IRX1: variants seen among roughly 807,000 people sequenced by gnomAD.
IRX1 encodes iroquois-class homeodomain protein IRX-1.
Under a neutral mutation model 34.1 loss-of-function variants are expected in IRX1, and 22 were observed. The ratio of observed to expected loss-of-function variants is 0.64; its 90% CI spans 0.46 to 0.92. The LOEUF (loss-of-function observed/expected upper bound fraction) is 0.92. Ranked by LOEUF, IRX1 falls within the 40% of genes least tolerant of loss-of-function variation. IRX1 has a pLI of 0.00. For missense variants in IRX1, 758 were observed against 680.0 expected, an observed-to-expected ratio of 1.11 and a Z score of -1.28; for synonymous variants, 363 against 319.0, an observed-to-expected ratio of 1.14 and a Z score of -1.47.
In IRX1 at chr5:3,595,994, G is replaced by T. The variant is rs879593971; in HGVS notation, c.-112G>T. The T allele has an allele frequency of 1.4e-5, 9 of 633,426 alleles. No homozygotes were observed. The African/African-American group carries it at 1.6e-4, about 11-fold the overall frequency. The allele number at this position is 633,426 out of a possible 1,614,324, so 39.2% of individuals were successfully genotyped here. A position where few individuals can be genotyped will look rare whatever the true frequency, so the allele number is the denominator to read the frequency against. Reference sequence around the variant, plus strand: ...CCCGAGCGCGCCCGGCCGGCCGCCCGCTCCTCCCTAGACCCCTCGCGGCGC... The same window carrying T: ...CCCGAGCGCGCCCGGCCGGCCGCCCTCTCCTCCCTAGACCCCTCGCGGCGC... On this transcript the variant is annotated 5_prime_UTR_variant, in exon 1 of 4. Coordinates refer to ENST00000302006, the MANE Select transcript of IRX1 (RefSeq NM_024337.4).
chr5:3,600,569 G>A (rs746931910), intron 2 of IRX1, 40 bp from the exon 3 acceptor site: 4 of 1,575,586 alleles, frequency 2.5e-6, no homozygotes, highest in Non-Finnish European at 2.6e-6. Context: ...TCTCCCGCCC[G>A]TCTCTCCGTC....
chr5:3,596,604 G>A (rs562506126), intron 1 of IRX1, among the ~76,000 whole-genome samples: 63 of 152,240 alleles, frequency 4.1e-4, no homozygotes, highest in African/African-American at 1.4e-3. Context: ...CTGGGAAAGC[G>A]GAAGGCCCGG....
intron 1 of IRX1, among the ~76,000 whole-genome samples, chr5:3,598,674 C>T (rs986128638): frequency 2.0e-5 from 3 of 152,238 alleles, no homozygotes; most frequent in Non-Finnish European, 4.4e-5. Context: ...AAATTGCTGG[C>T]GGATTTAGAC....
chr5:3,599,866 G>T lies in IRX1; in HGVS notation c.918G>T (p.Leu306=), dbSNP rs1490893092. 6.6e-7 allele frequency: 1 copy of T among 1,511,078 alleles called. No homozygotes were observed. Among genetic ancestry groups the T allele is most frequent in the African/African-American group, 1.4e-5 (1 of 71,572 alleles). 93.6% of individuals were successfully genotyped at this position (1,511,078 alleles called of 1,614,324 possible). The change falls in exon 2 of 4, where the codon CTG becomes CTT. Residue 306 remains leucine, a synonymous_variant. Coordinates refer to ENST00000302006, the MANE Select transcript of IRX1 (RefSeq NM_024337.4). The surrounding 1 kb of genome is among the most constrained non-coding windows in gnomAD (Gnocchi z 6.6). ...GCCCCGGCGCTGCAGCGGGCGGCCTGCAGGGTGCGCCGCACGGCAAGCCCA... is the reference window on the plus strand; with the variant it reads ...GCCCCGGCGCTGCAGCGGGCGGCCTTCAGGGTGCGCCGCACGGCAAGCCCA... ...LLSPGAAAGG[L]QGAPHGKPKI...
intron 1 of IRX1, among the ~76,000 whole-genome samples, chr5:3,597,698 A>G (rs1043702665): frequency 6.6e-6 from 1 of 152,340 alleles, no homozygotes; most frequent in South Asian, 2.1e-4. Context: ...AGAAAAGCGC[A>G]AAGTACATTT....
chr5:3,599,129 T>C lies in IRX1; in HGVS notation c.277-96T>C. ...GTCCATTGAAGCGGCTGCTTCCCAC[T>C]CTCCCGTCTTGGGGACTCATGTCTC... On this transcript the variant is annotated intron_variant, in intron 1 of 3. Transcript: ENST00000302006. This position sits in a 1 kb window ranked among gnomAD's most constrained non-coding sequence, Gnocchi z 6.6. 1.5e-6 allele frequency: 2 copies of C among 1,309,960 alleles called. No individual in the cohort carries two copies. The highest frequency in any genetic ancestry group is 2.1e-6 in the Non-Finnish European group (2 of 964,132). The allele number at this position is 1,309,960 out of a possible 1,614,324, so 81.1% of individuals were successfully genotyped here. A position where few individuals can be genotyped will look rare whatever the true frequency, so the allele number is the denominator to read the frequency against.
chr5:3,597,772 A>C (rs1338937840), intron 1 of IRX1, among the ~76,000 whole-genome samples: 1 of 152,236 alleles, frequency 6.6e-6, no homozygotes, highest in Non-Finnish European at 1.5e-5. Context: ...CTCAGTCACC[A>C]AACTAATTAG....
intron 1 of IRX1, among the ~76,000 whole-genome samples, chr5:3,598,125 A>G (rs1446132350): frequency 2.0e-5 from 3 of 152,190 alleles, no homozygotes; most frequent in Non-Finnish European, 4.4e-5. Flanking sequence ...CCAAACCCTG[A>G]TTCTAGGCCT....
chr5:3,600,758 C>T, intron 3 of IRX1, 77 bp downstream of exon 3: 1 of 1,395,254 alleles, frequency 7.2e-7, no homozygotes, highest in South Asian at 1.2e-5. Flanking sequence ...CCGGGCGGAG[C>T]TGGCTGGGTG....
intron 1 of IRX1, among the ~76,000 whole-genome samples, chr5:3,598,192 G>A (rs1244286734): frequency 6.6e-6 from 1 of 152,208 alleles, no homozygotes; most frequent in East Asian, 1.9e-4. Flanking sequence ...AATTGTATTT[G>A]AATGTCTGTC....
chr5:3,601,206 T>C lies in IRX1; in HGVS notation c.*166T>C. On this transcript the variant is annotated 3_prime_UTR_variant, in exon 4 of 4. Transcript: ENST00000302006. Reference sequence around the variant, plus strand: ...TTTCTGCAGAAAGGGGCTTCTTCGGTCCCGAGCTCGCGTCCAGGTGGCCAG... The same window carrying C: ...TTTCTGCAGAAAGGGGCTTCTTCGGCCCCGAGCTCGCGTCCAGGTGGCCAG... 1 of 687,020 alleles carries C rather than the reference T, an allele frequency of 1.5e-6. No individual in the cohort carries two copies. The highest frequency in any genetic ancestry group is 2.5e-6 in the Non-Finnish European group (1 of 401,956). The allele number at this position is 687,020 out of a possible 1,614,324, so 42.6% of individuals were successfully genotyped here. A position where few individuals can be genotyped will look rare whatever the true frequency, so the allele number is the denominator to read the frequency against.
At chr5:3,600,546 G>A (rs1733935698) in intron 2 of IRX1, 63 bp from the exon 3 acceptor site, 1 of 1,438,174 alleles carries the variant, frequency 7.0e-7, no homozygotes, top group African/African-American at 1.4e-5. Flanking sequence ...TGGTGGGAAG[G>A]AGGCCTGGGA....
intron 1 of IRX1, among the ~76,000 whole-genome samples, chr5:3,598,441 C>A (rs1212591978): frequency 6.6e-6 from 1 of 152,174 alleles, no homozygotes; most frequent in Non-Finnish European, 1.5e-5. Flanking sequence ...GGATACTGAA[C>A]CGGTTCCCCT....
chr5:3,596,544 G>C (rs928044625), intron 1 of IRX1, among the ~76,000 whole-genome samples, 163 bp downstream of exon 1: 1 of 151,890 alleles, frequency 6.6e-6, no homozygotes, highest in East Asian at 2.0e-4. Flanking sequence ...GGCCCCCGGG[G>C]ACGCAAGAGG....
At position 3,599,976 on chromosome 5, in the gene IRX1, C is replaced by T; in HGVS notation, c.1028C>T (p.Ala343Val). 3 of 1,510,850 alleles carry T rather than the reference C, an allele frequency of 2.0e-6. No individual in the cohort carries two copies. The highest frequency in any genetic ancestry group is 2.7e-6 in the Non-Finnish European group (3 of 1,125,124). The allele number at this position is 1,510,850 out of a possible 1,614,324, so 93.6% of individuals were successfully genotyped here. The change falls in exon 2 of 4, where the codon GCG becomes GTG. Residue 343 changes from alanine to valine, a missense_variant. Ala to Val is a moderately conservative substitution (Grantham distance 64). Around this residue, in one of 3 missense-constraint regions of IRX1, gnomAD observed 529 missense variants for 418.8 expected, o/e 1.26. Transcript: ENST00000302006. This position sits in a 1 kb window ranked among gnomAD's most constrained non-coding sequence, Gnocchi z 6.6. ...SPPPPAGHPGAHGPSAGAPLQ... is the reference protein window; with the variant it reads ...SPPPPAGHPGVHGPSAGAPLQ... ...CCACCACCCGCGGGCCACCCCGGCG[C>T]GCACGGGCCCTCCGCCGGGGCGCCG...
At position 3,599,164 on chromosome 5, in the gene IRX1, C is replaced by T; in HGVS notation, c.277-61C>T. 1 of 1,506,760 alleles carries T rather than the reference C, an allele frequency of 6.6e-7. No homozygotes were observed. The highest frequency in any genetic ancestry group is 1.2e-5 in the South Asian group (1 of 80,478). The allele number at this position is 1,506,760 out of a possible 1,614,324, so 93.3% of individuals were successfully genotyped here. ...TGGGGACTCATGTCTCTCTCTCTCT[C>T]TCCCTTTCTCTCTCCACTTCCCTCC... On this transcript the variant is annotated intron_variant, in intron 1 of 3. Transcript: ENST00000302006. This position sits in a 1 kb window ranked among gnomAD's most constrained non-coding sequence, Gnocchi z 6.6.
rs927511398 is a variant in IRX1 at position 3,599,211 on chromosome 5, C to T, written c.277-14C>T. On this transcript the variant is annotated splice_polypyrimidine_tract_variant and intron_variant, in intron 1 of 3. Coordinates refer to ENST00000302006, the MANE Select transcript of IRX1 (RefSeq NM_024337.4). The surrounding 1 kb of genome is among the most constrained non-coding windows in gnomAD (Gnocchi z 6.6). ...CTCCTCTCTCTCCTCGATGGATCTG[C>T]CCTGTGGCTTCAGGGCTCGCAGTAT... The T allele has an allele frequency of 6.2e-7, 1 of 1,608,572 alleles. No homozygotes were observed.
Position 3,599,688 on chromosome 5 carries a change from A to G in IRX1, c.740A>G (p.Asp247Gly), listed in dbSNP as rs759276616. ...GACCAGAGCAACGAGGATGACGAGG[A>G]CAAGGCCGAGGCTCCGCACGCGCCC... ...DGDQSNEDDEDKAEAPHAPAA... is the reference protein window; with the variant it reads ...DGDQSNEDDEGKAEAPHAPAA... Residue 247 changes from aspartate (D) to glycine (G), a missense_variant, in exon 2 of 4, where the codon GAC (aspartate) becomes GGC (glycine). By Grantham distance (94) the Asp-to-Gly change is moderately conservative (BLOSUM62 -1). This residue lies in a region of IRX1 where 529 missense variants were observed against 418.8 expected (regional missense o/e 1.26). Transcript: ENST00000302006. This position sits in a 1 kb window ranked among gnomAD's most constrained non-coding sequence, Gnocchi z 6.6. The G allele has an allele frequency of 6.2e-7, 1 of 1,613,252 alleles. No homozygotes were observed. Among genetic ancestry groups the G allele is most frequent in the African/African-American group, 1.3e-5 (1 of 74,938 alleles).
chr5:3,599,888 C>G lies in IRX1; in HGVS notation c.940C>G (p.Pro314Ala). Residue 314 changes from proline (P) to alanine (A), a missense_variant, in exon 2 of 4, where the codon CCC (proline) becomes GCC (alanine). This residue lies in a region of IRX1 where 529 missense variants were observed against 418.8 expected (regional missense o/e 1.26). Coordinates refer to ENST00000302006, the MANE Select transcript of IRX1 (RefSeq NM_024337.4). The surrounding 1 kb of genome is among the most constrained non-coding windows in gnomAD (Gnocchi z 6.6). ...GGLQGAPHGK[P>A]KIWSLAETAT... is the part of the protein sequence containing the mutation. ...CCTGCAGGGTGCGCCGCACGGCAAGCCCAAGATCTGGTCGCTGGCGGAGAC... is the reference window on the plus strand; with the variant it reads ...CCTGCAGGGTGCGCCGCACGGCAAGGCCAAGATCTGGTCGCTGGCGGAGAC... The G allele has an allele frequency of 6.7e-7, 1 of 1,489,452 alleles. No homozygotes were observed. The highest frequency in any genetic ancestry group is 8.9e-7 in the Non-Finnish European group (1 of 1,121,872). The allele number at this position is 1,489,452 out of a possible 1,614,324, so 92.3% of individuals were successfully genotyped here. A position where few individuals can be genotyped will look rare whatever the true frequency, so the allele number is the denominator to read the frequency against.
Sources: gnomAD v4.1 joint callset for allele counts (sites outside exome capture counted in the v4.1 genomes callset) on GRCh38, gnomAD v4.1.1 for gene constraint, gnomAD v4.1.1 regional missense constraint, Gnocchi (gnomAD v3.1) non-coding constraint, MANE v1.5 for transcripts, NCBI Gene and HGNC (gene_info 2026-07-23, HGNC 2026-07-21) for gene names.